The following GLG1 variants were observed in gnomAD, a reference collection of about 807,000 sequenced individuals.
GLG1 encodes the protein Golgi apparatus protein 1.
Under a neutral mutation model 160.5 loss-of-function variants are expected in GLG1, and 38 were observed. The observed-to-expected ratio is 0.24, with a 90% CI of 0.18 to 0.31. GLG1 has a LOEUF of 0.31. Ranked by LOEUF, GLG1 falls within the 10% of genes least tolerant of loss-of-function variation. The pLI is 1.00. For missense variants in GLG1, 1,373 were observed against 1,505.2 expected (o/e 0.91, Z 1.45); for synonymous variants, 644 against 543.4 (o/e 1.19, Z -2.57).
Position 74,546,837 on chromosome 16 carries a change from CAAAAAA to C in GLG1, c.439-14690_439-14685del, listed in dbSNP as rs71376218. On this transcript the variant is annotated intron_variant, in intron 1 of 25. Coordinates refer to ENST00000422840, the MANE Select transcript of GLG1 (RefSeq NM_001145667.2). Reference sequence around the variant, plus strand: ...TGGGCGACAGAGTGAGACTCCATCTCAAAAAAAAAAAAAAAAAAAGGATCCCTGACT... The same window carrying C: ...TGGGCGACAGAGTGAGACTCCATCTCAAAAAAAAAAAAAGGATCCCTGACT... 7.4e-4 allele frequency among the ~76,000 whole-genome samples: 44 copies of C among 59,700 alleles called. 1 individual carries two copies. The highest frequency in any genetic ancestry group is 5.3e-4 in the Non-Finnish European group (19 of 35,746). The allele number at this position is 59,700 out of a possible 152,430, so 39.2% of individuals were successfully genotyped here.
chr16:74,490,388 G>A (rs1433820945), intron 8 of GLG1, among the ~76,000 whole-genome samples: 1 of 152,178 alleles, frequency 6.6e-6, no homozygotes, highest in Non-Finnish European at 1.5e-5. Context: ...TAACAAACCT[G>A]CACATGTATC....
At position 74,496,517 on chromosome 16, in the gene GLG1, A is replaced by G; in HGVS notation, c.902T>C (p.Leu301Pro). 1 of 1,614,072 alleles carries G rather than the reference A, an allele frequency of 6.2e-7. No individual in the cohort carries two copies. Among genetic ancestry groups the G allele is most frequent in the Non-Finnish European group, 8.5e-7 (1 of 1,179,934 alleles). Residue 301 changes from leucine (L) to proline (P), a missense_variant, in exon 5 of 26, where the codon CTG becomes CCG. Around this residue, in one of 4 missense-constraint regions of GLG1, gnomAD observed 174 missense variants for 229.9 expected, o/e 0.76. Coordinates refer to ENST00000422840, the MANE Select transcript of GLG1 (RefSeq NM_001145667.2). ...GTCTAAGTGAAAGTCATCCGATGACAGCTCAGCCACCCGGAGAATGGCTTT... is the reference window on the plus strand; with the variant it reads ...GTCTAAGTGAAAGTCATCCGATGACGGCTCAGCCACCCGGAGAATGGCTTT... ...CKKAILRVAE[L>P]SSDDFHLDRH...
intron 24 of GLG1, 91 bp downstream of exon 24, chr16:74,457,783 G>C (rs2014617003): frequency 2.4e-6 from 3 of 1,253,180 alleles, no homozygotes; most frequent in South Asian, 1.3e-5. Flanking sequence ...AGACCATACA[G>C]ACCACAGTAG....
chr16:74,553,469 GTTTTTTTTTTT>G (rs537408696), intron 1 of GLG1, among the ~76,000 whole-genome samples: 1 of 106,086 alleles, frequency 9.4e-6, no homozygotes, highest in South Asian at 3.4e-4. Context: ...TTTTGTTTCG[GTTTTTTTTTTT>G]TTTTTTTTTT....
At position 74,451,364 on chromosome 16, in the gene GLG1, C is replaced by G. The variant is rs564987262; in HGVS notation, c.*1803G>C. 6.1e-4 allele frequency: 93 copies of G among 152,308 alleles called. No homozygotes were observed. The highest frequency in any genetic ancestry group is 2.2e-3 in the African/African-American group (90 of 41,556). 9.4% of individuals were successfully genotyped at this position (152,308 alleles called of 1,614,324 possible). ...GGGGACAATCAGTTGGCTTCTGGAA[C>G]CCACTGCCTCCAGGAAGGGCAGCAA... On this transcript the variant is annotated 3_prime_UTR_variant, in exon 26 of 26. Transcript: ENST00000422840.
chr16:74,480,233 C>G lies in GLG1; in HGVS notation c.1827+8G>C. 1 of 1,597,770 alleles carries G rather than the reference C, an allele frequency of 6.3e-7. No homozygotes were observed. The highest frequency in any genetic ancestry group is 8.6e-7 in the Non-Finnish European group (1 of 1,165,414). ...GAAGAAGAAATGAAGTCGATATTCA[C>G]TGCATACCCTCCTTCCCTGTTCCTC... On this transcript the variant is annotated splice_region_variant and intron_variant, in intron 11 of 25. Coordinates refer to ENST00000422840, the MANE Select transcript of GLG1 (RefSeq NM_001145667.2).
intron 2 of GLG1, among the ~76,000 whole-genome samples, chr16:74,512,261 G>A (rs1399192317): frequency 4.2e-5 from 6 of 143,342 alleles, no homozygotes; most frequent in Admixed American, 7.1e-5. Context: ...GTGACAGAGC[G>A]AGAATCCATA....
At chr16:74,599,308 C>G (rs1447345217) in intron 1 of GLG1, among the ~76,000 whole-genome samples, 4 of 152,308 alleles carry the variant, frequency 2.6e-5, no homozygotes, top group Admixed American at 2.6e-4. Context: ...AATACAGCCC[C>G]TTTAATAATT....
intron 1 of GLG1, among the ~76,000 whole-genome samples, chr16:74,603,621 C>T (rs572667863): frequency 3.3e-4 from 50 of 151,484 alleles, no homozygotes; most frequent in Admixed American, 2.8e-3. Context: ...TCTGAAACTT[C>T]GAAATACAAG....
intron 1 of GLG1, among the ~76,000 whole-genome samples, chr16:74,538,898 T>C (rs1216938406): frequency 6.6e-6 from 1 of 151,186 alleles, no homozygotes; most frequent in Non-Finnish European, 1.5e-5. Context: ...AGTATGGCAA[T>C]AAAGTCAGTC....
intron 4 of GLG1, among the ~76,000 whole-genome samples, chr16:74,502,032 T>C (rs980675895): frequency 6.6e-6 from 1 of 152,214 alleles, no homozygotes; most frequent in Admixed American, 6.5e-5. Flanking sequence ...AACCCTTCAT[T>C]TGAACGGTGT....
rs200695394 is a variant in GLG1, at chr16:74,465,647, G to C, written c.2667+29C>G. 271 of 1,609,152 alleles carry C rather than the reference G, an allele frequency of 1.7e-4. 2 individuals carry two copies. The Admixed American group carries it at 4.5e-3, about 27-fold the overall frequency. On this transcript the variant is annotated intron_variant, in intron 19 of 25. Coordinates refer to ENST00000422840, the MANE Select transcript of GLG1 (RefSeq NM_001145667.2). ...TGCTTTGTTGTTTTGTTGTTCATCC[G>C]TGCTCGGCCTTTGGTGTCGGCTTCT...
chr16:74,529,980 T>A (rs1181044543), intron 2 of GLG1, among the ~76,000 whole-genome samples: 1 of 151,784 alleles, frequency 6.6e-6, no homozygotes, highest in Admixed American at 6.6e-5. Context: ...CCTGGCTAAT[T>A]TTTTTATTTT....
chr16:74,528,811 CAAAA>C (rs35777516), intron 2 of GLG1, among the ~76,000 whole-genome samples: 8 of 62,802 alleles, frequency 1.3e-4, no homozygotes, highest in Non-Finnish European at 1.6e-4. Context: ...GATTCTGTCT[CAAAA>C]AAAAAAAAAA....
At chr16:74,471,310 C>A in intron 14 of GLG1, 24 bp from the exon 15 acceptor site, 1 of 1,240,036 alleles carries the variant, frequency 8.1e-7, no homozygotes, top group Non-Finnish European at 1.2e-6. Context: ...CATGCATTTA[C>A]ACTTCATTGG....
intron 11 of GLG1, 55 bp downstream of exon 11, chr16:74,480,186 C>A: frequency 2.1e-6 from 3 of 1,428,618 alleles, no homozygotes; most frequent in Non-Finnish European, 3.0e-6. Context: ...ATACAGCAAA[C>A]AATTTAAAAA....
chr16:74,555,845 T>TTG (rs1395741443), intron 1 of GLG1, among the ~76,000 whole-genome samples: 1 of 151,712 alleles, frequency 6.6e-6, no homozygotes, highest in Non-Finnish European at 1.5e-5. Context: ...TTTTTTCTTT[T>TTG]TCTTTTGAGA....
intron 1 of GLG1, among the ~76,000 whole-genome samples, chr16:74,581,040 G>C (rs1957927088): frequency 6.6e-6 from 1 of 152,202 alleles, no homozygotes; most frequent in East Asian, 1.9e-4. Flanking sequence ...TGAACTGTTG[G>C]TGGGAATATA....
intron 1 of GLG1, among the ~76,000 whole-genome samples, chr16:74,590,345 C>T (rs1283893041): frequency 2.6e-5 from 4 of 151,960 alleles, no homozygotes; most frequent in Non-Finnish European, 5.9e-5. Context: ...AGGCCAGGTG[C>T]CATGGCTCAC....
Sources: allele counts gnomAD v4.1 joint callset (sites outside exome capture counted in the v4.1 genomes callset), GRCh38; gene constraint gnomAD v4.1.1; regional missense constraint gnomAD v4.1.1; transcripts MANE v1.5; gene names NCBI Gene and HGNC (gene_info 2026-07-23, HGNC 2026-07-21).